TRAK1: variants seen among roughly 807,000 people sequenced by gnomAD.
TRAK1 encodes the protein trafficking kinesin protein 1.
Under a neutral mutation model 92.1 loss-of-function variants are expected in TRAK1, and 33 were observed. The ratio of observed to expected loss-of-function variants is 0.36; its 90% CI spans 0.27 to 0.48. TRAK1 has a LOEUF of 0.48. Among genes scored for constraint, TRAK1 ranks in the 20% least tolerant of loss-of-function variants. The pLI is 0.99. For synonymous variants in TRAK1, 521 were observed against 517.3 expected (o/e 1.01, Z -0.10); for missense variants, 1,123 against 1,257.9 (o/e 0.89, Z 1.62).
chr3:42,176,744 T>C (rs1703268895), intron 2 of TRAK1, 70 bp from the exon 3 acceptor site: 1 of 1,478,254 alleles, frequency 6.8e-7, no homozygotes, highest in South Asian at 1.1e-5. Context: ...AGGGGCACTT[T>C]TTTAGATGAG....
At chr3:42,108,161 A>G (rs1249499086) in intron 1 of TRAK1, among the ~76,000 whole-genome samples, 1 of 152,064 alleles carries the variant, frequency 6.6e-6, no homozygotes, top group Non-Finnish European at 1.5e-5. Context: ...GCGGATGGCC[A>G]CCATGTGTCT....
chr3:42,204,390 G>A (rs1559383664), intron 13 of TRAK1, among the ~76,000 whole-genome samples: 4 of 152,132 alleles, frequency 2.6e-5, no homozygotes, highest in Non-Finnish European at 4.4e-5. Context: ...CAGTATTTTT[G>A]TGATTAGTTA....
chr3:42,152,135 G>C (rs1212493907), intron 2 of TRAK1, among the ~76,000 whole-genome samples: 1 of 152,148 alleles, frequency 6.6e-6, no homozygotes, highest in African/African-American at 2.4e-5. Context: ...TTGAATAACT[G>C]TATTCCTCCT....
chr3:42,087,248 A>G (rs770233366), upstream of TRAK1: 3 of 152,796 alleles, frequency 2.0e-5, no homozygotes, highest in African/African-American at 2.4e-5. Flanking sequence ...GCTCTGCACG[A>G]CGACACTTTG....
chr3:42,123,570 A>T (rs1710185856), intron 1 of TRAK1, among the ~76,000 whole-genome samples: 2 of 152,272 alleles, frequency 1.3e-5, no homozygotes, highest in Non-Finnish European at 2.9e-5. Flanking sequence ...GTGCGAGTGA[A>T]TGCTCATATG....
chr3:42,211,353 G>A (rs1577037177), intron 14 of TRAK1: 1 of 985,140 alleles, frequency 1.0e-6, no homozygotes, highest in South Asian at 4.7e-5. Flanking sequence ...TAGCACATAG[G>A]TTTATTTATG....
chr3:42,108,068 A>G (rs1707836556), intron 1 of TRAK1, among the ~76,000 whole-genome samples: 1 of 152,078 alleles, frequency 6.6e-6, no homozygotes, highest in Non-Finnish European at 1.5e-5. Context: ...TTAGCCTTGT[A>G]GTCTCATTTT....
At chr3:42,089,616 G>A (rs1405968441), upstream of TRAK1, among the ~76,000 whole-genome samples, 1 of 151,514 alleles carries the variant, frequency 6.6e-6, no homozygotes, top group Admixed American at 6.6e-5. Context: ...CTTAACTCCA[G>A]ATATCCTTAT....
intron 1 of TRAK1, among the ~76,000 whole-genome samples, chr3:42,115,052 A>G (rs1382537807): frequency 6.6e-6 from 1 of 152,216 alleles, no homozygotes; most frequent in East Asian, 1.9e-4. Flanking sequence ...ACTATTGGAA[A>G]TCAAAAGTAT....
rs34602604 is a variant in TRAK1, at chr3:42,203,494, CTTTTTTTTTTTT to C, written c.1744+752_1744+763del. 3.2e-6 allele frequency: 3 copies of C among 946,804 alleles called. No homozygotes were observed. In the African/African-American group the frequency reaches 6.0e-5, roughly 19 times the overall value. 58.7% of individuals were successfully genotyped at this position (946,804 alleles called of 1,614,324 possible). A position where few individuals can be genotyped will look rare whatever the true frequency, so the allele number is the denominator to read the frequency against. On this transcript the variant is annotated intron_variant, in intron 13 of 15. Coordinates refer to ENST00000327628, the MANE Select transcript of TRAK1 (RefSeq NM_001042646.3). ...CTCTCTCCCTCTTGCCCTCCTGCCTCTTTTTTTTTTTTTTTTTTTTTAATTTAGGCACTTATA... is the reference window on the plus strand; with the variant it reads ...CTCTCTCCCTCTTGCCCTCCTGCCTCTTTTTTTTTAATTTAGGCACTTATA...
At chr3:42,078,522 G>A (rs970929633) in intron 1 of TRAK1, among the ~76,000 whole-genome samples, 1 of 152,090 alleles carries the variant, frequency 6.6e-6, no homozygotes, top group Non-Finnish European at 1.5e-5. Context: ...GGGAGGCTGA[G>A]GCAGGCGGAT....
At chr3:42,205,536 C>T (rs1256151488) in intron 13 of TRAK1, among the ~76,000 whole-genome samples, 1 of 152,208 alleles carries the variant, frequency 6.6e-6, no homozygotes, top group Non-Finnish European at 1.5e-5. Context: ...GAAGAACAAA[C>T]AAACCATTCA....
At chr3:42,177,729 G>A (rs1412032801) in intron 3 of TRAK1, among the ~76,000 whole-genome samples, 1 of 152,218 alleles carries the variant, frequency 6.6e-6, no homozygotes, top group Non-Finnish European at 1.5e-5. Context: ...TCGTTTCCCA[G>A]AGGTTTTTCT....
At chr3:42,160,718 C>T (rs1248541052) in intron 2 of TRAK1, among the ~76,000 whole-genome samples, 1 of 152,008 alleles carries the variant, frequency 6.6e-6, no homozygotes, top group East Asian at 1.9e-4. Context: ...ATCTACCTTC[C>T]CAGAAACAAT....
Position 42,223,507 on chromosome 3 carries a change from C to T in TRAK1, c.2632C>T (p.Pro878Ser), listed in dbSNP as rs1287041215. The T allele has an allele frequency of 4.3e-6, 7 of 1,613,724 alleles. No homozygotes were observed. The highest frequency in any genetic ancestry group is 1.1e-5 in the South Asian group (1 of 91,082). The change falls in exon 16 of 16, where the codon CCG (proline) becomes TCG (serine). Residue 878 changes from proline (P) to serine (S), a missense_variant. Pro to Ser is a moderately conservative substitution (Grantham distance 74, BLOSUM62 -1). Coordinates refer to ENST00000327628, the MANE Select transcript of TRAK1 (RefSeq NM_001042646.3). This position sits in a 1 kb window ranked among gnomAD's most constrained non-coding sequence, Gnocchi z 6.1. The stretch of plus-strand genomic sequence containing the variant: ...GCAGGGACCCCTCCTCTGTGGGCCC[C>T]CGGGGCCAGCACCAGCCCTTGTTCC... ...EEQGPLLCGP[P>S]GPAPALVPRG...
chr3:42,146,141 G>A, intron 2 of TRAK1: 1 of 415,858 alleles, frequency 2.4e-6, no homozygotes, highest in Middle Eastern at 8.3e-4. Context: ...TGTGTCCTTG[G>A]TCTGCAAACC....
chr3:42,160,563 G>GTTT lies in TRAK1; in HGVS notation c.287-16248_287-16246dup. ...TTTGCTGATTTCATAGCACTGTTTT[G>GTTT]TTTTTGTTTTTTTTTAAGTTGAGGT... is the stretch of plus-strand genomic sequence containing the variant. On this transcript the variant is annotated intron_variant, in intron 2 of 15. Coordinates refer to ENST00000327628, the MANE Select transcript of TRAK1 (RefSeq NM_001042646.3). 128 of 1,001,440 alleles carry GTTT rather than the reference G, an allele frequency of 1.3e-4. 1 individual carries two copies. Among genetic ancestry groups the GTTT allele is most frequent in the East Asian group, 2.2e-4 (6 of 27,836 alleles). The allele number at this position is 1,001,440 out of a possible 1,614,324, so 62.0% of individuals were successfully genotyped here.
intron 14 of TRAK1, chr3:42,211,050 G>A (rs961160039): frequency 1.0e-6 from 1 of 985,452 alleles, no homozygotes; most frequent in Non-Finnish European, 1.2e-6. Context: ...TGGAGTCAGG[G>A]GGGAGACTGA....
intron 4 of TRAK1, among the ~76,000 whole-genome samples, chr3:42,185,673 CT>C (rs11376284): frequency 0.067 from 9,083 of 136,500 alleles, 249 homozygotes; most frequent in Middle Eastern, 0.082. Flanking sequence ...TTATTCCTTT[CT>C]TTTTTTTTTT....
Sources: allele counts gnomAD v4.1 joint callset (sites outside exome capture counted in the v4.1 genomes callset), GRCh38; gene constraint gnomAD v4.1.1; non-coding constraint Gnocchi (gnomAD v3.1); transcripts MANE v1.5; gene names NCBI Gene and HGNC (gene_info 2026-07-23, HGNC 2026-07-21).